Variants in LHFPL3 observed in about 807,000 individuals in gnomAD.
The protein encoded by LHFPL3 is LHFPL tetraspan subfamily member 3 protein.
A neutral mutation model predicts 19.3 loss-of-function variants in LHFPL3; 5 were observed. The ratio of observed to expected loss-of-function variants is 0.26; its 90% CI spans 0.14 to 0.54. LHFPL3 has a LOEUF of 0.54. Among genes scored for constraint, LHFPL3 ranks in the 20% least tolerant of loss-of-function variants. The pLI is 0.94. For synonymous variants in LHFPL3, 133 were observed against 126.2 expected (o/e 1.05, Z -0.36); for missense variants, 249 against 307.4 (o/e 0.81, Z 1.42).
intron 2 of LHFPL3, among the ~76,000 whole-genome samples, chr7:104,812,891 G>A (rs955763610): frequency 1.4e-5 from 2 of 147,656 alleles, no homozygotes; most frequent in Non-Finnish European, 1.5e-5. Context: ...AGGTGGGCAG[G>A]TCACAAGGTA....
At chr7:104,726,873 C>T (rs1029249850) in intron 1 of LHFPL3, among the ~76,000 whole-genome samples, 1 of 152,086 alleles carries the variant, frequency 6.6e-6, no homozygotes, top group African/African-American at 2.4e-5. Context: ...GGGTCAAATG[C>T]TATTTCTGGT....
intron 1 of LHFPL3, among the ~76,000 whole-genome samples, chr7:104,660,901 T>C (rs1489092343): frequency 6.6e-6 from 1 of 152,232 alleles, no homozygotes; most frequent in Non-Finnish European, 1.5e-5. Context: ...CCACTTTCCC[T>C]AAAAGTAGAT....
chr7:104,612,792 C>T (rs1042819085), intron 1 of LHFPL3, among the ~76,000 whole-genome samples: 1 of 152,162 alleles, frequency 6.6e-6, no homozygotes, highest in Non-Finnish European at 1.5e-5. Flanking sequence ...CATTTCATTT[C>T]CTACCTGACT....
chr7:104,508,286 A>C (rs910686388), intron 1 of LHFPL3, among the ~76,000 whole-genome samples: 3 of 151,996 alleles, frequency 2.0e-5, no homozygotes, highest in Non-Finnish European at 2.9e-5. Context: ...GCCATAAAAA[A>C]TGATGAGTTC....
At chr7:104,540,024 G>A (rs981532219) in intron 1 of LHFPL3, among the ~76,000 whole-genome samples, 6 of 152,112 alleles carry the variant, frequency 3.9e-5, no homozygotes, top group South Asian at 2.1e-4. Flanking sequence ...ATGAGATCCC[G>A]CTGGAGAGTG....
At chr7:104,568,662 A>C (rs943380710) in intron 1 of LHFPL3, among the ~76,000 whole-genome samples, 1 of 152,120 alleles carries the variant, frequency 6.6e-6, no homozygotes, top group African/African-American at 2.4e-5. Context: ...ATTGCAGCCT[A>C]TATGCTGTGC....
intron 1 of LHFPL3, among the ~76,000 whole-genome samples, chr7:104,642,370 ATTAC>A (rs1218572221): frequency 6.6e-6 from 1 of 152,132 alleles, no homozygotes; most frequent in Non-Finnish European, 1.5e-5. Flanking sequence ...CAGTATTTAA[ATTAC>A]TTCACACAGA....
Position 104,880,974 on chromosome 7 carries a change from T to G in LHFPL3, c.683-25213T>G, listed in dbSNP as rs539903363. Among the ~76,000 whole-genome samples, 647 of 152,156 alleles carry G rather than the reference T, an allele frequency of 4.3e-3. 2 individuals carry two copies. The highest frequency in any genetic ancestry group is 0.01 in the Middle Eastern group (3 of 294). ...TCACGAGGTCAGGAGATCAAGACCT[T>G]CCTGGCTAACACAATGAAACCCCAT... On this transcript the variant is annotated intron_variant, in intron 2 of 2. Transcript: ENST00000424859.
At chr7:104,852,426 G>A (rs1360768989) in intron 2 of LHFPL3, among the ~76,000 whole-genome samples, 1 of 152,256 alleles carries the variant, frequency 6.6e-6, no homozygotes, top group East Asian at 1.9e-4. Context: ...AAGTAGGGCA[G>A]TAGTAAAGAG....
chr7:104,568,831 C>T (rs1021967725), intron 1 of LHFPL3, among the ~76,000 whole-genome samples: 1 of 152,210 alleles, frequency 6.6e-6, no homozygotes, highest in Non-Finnish European at 1.5e-5. Context: ...CATTGTAAAA[C>T]AATGCTCAGT....
intron 1 of LHFPL3, among the ~76,000 whole-genome samples, chr7:104,546,739 G>C (rs11763259): frequency 0.069 from 10,442 of 152,266 alleles, 430 homozygotes; most frequent in East Asian, 0.12. Flanking sequence ...AGCTGGGAGA[G>C]TTCTTCCTTT....
intron 1 of LHFPL3, among the ~76,000 whole-genome samples, chr7:104,592,049 G>A (rs1020152440): frequency 4.6e-5 from 7 of 152,078 alleles, no homozygotes; most frequent in African/African-American, 1.2e-4. Flanking sequence ...GCTTCTTTGC[G>A]ATGGGTTCGA....
At chr7:104,681,304 A>C (rs1388470840) in intron 1 of LHFPL3, among the ~76,000 whole-genome samples, 1 of 152,086 alleles carries the variant, frequency 6.6e-6, no homozygotes, top group East Asian at 1.9e-4. Context: ...AATCCTTGGC[A>C]CTAGTCATGT....
chr7:104,685,535 ATGCATTT>A (rs1372665828), intron 1 of LHFPL3, among the ~76,000 whole-genome samples: 3 of 152,204 alleles, frequency 2.0e-5, no homozygotes, highest in South Asian at 4.2e-4. Flanking sequence ...CTCCTCCATA[ATGCATTT>A]TTCTTGTCTT....
At chr7:104,619,072 AG>A (rs1188337679) in intron 1 of LHFPL3, among the ~76,000 whole-genome samples, 1 of 152,234 alleles carries the variant, frequency 6.6e-6, no homozygotes. Context: ...GACAGGAGTC[AG>A]CGGTGCTTCC....
At chr7:104,605,314 GA>G (rs1007263990) in intron 1 of LHFPL3, among the ~76,000 whole-genome samples, 2 of 151,410 alleles carry the variant, frequency 1.3e-5, no homozygotes, top group African/African-American at 4.9e-5. Flanking sequence ...CTAATGAATA[GA>G]AAAAAAATGA....
intron 2 of LHFPL3, chr7:104,759,937 G>C (rs1794346373): frequency 1.3e-5 from 2 of 152,264 alleles, no homozygotes; most frequent in Non-Finnish European, 2.9e-5. Context: ...AGGAACTCAG[G>C]CTTGGCCTCA....
At chr7:104,766,765 C>A (rs1794464748) in intron 2 of LHFPL3, among the ~76,000 whole-genome samples, 1 of 152,160 alleles carries the variant, frequency 6.6e-6, no homozygotes. Context: ...TTTCTGCTTG[C>A]ATTCTCTCCA....
intron 1 of LHFPL3, among the ~76,000 whole-genome samples, chr7:104,445,402 T>G (rs1176559736): frequency 6.6e-6 from 1 of 152,212 alleles, no homozygotes; most frequent in Non-Finnish European, 1.5e-5. Context: ...AATCTTTGGT[T>G]TCCTCATTGT....
Sources: allele counts gnomAD v4.1 joint callset (sites outside exome capture counted in the v4.1 genomes callset), GRCh38; gene constraint gnomAD v4.1.1; transcripts MANE v1.5; gene names NCBI Gene and HGNC (gene_info 2026-07-23, HGNC 2026-07-21).